PTPRT: variants seen among roughly 807,000 people sequenced by gnomAD.
The protein encoded by PTPRT is receptor-type tyrosine-protein phosphatase T.
A neutral mutation model predicts 176.8 loss-of-function variants in PTPRT; 56 were observed. That is an observed-to-expected ratio of 0.32 (90% CI 0.26 to 0.40). The LOEUF (loss-of-function observed/expected upper bound fraction) is 0.40, where lower values mean the gene tolerates loss of function less well. Ranked by LOEUF, PTPRT falls within the 10% of genes least tolerant of loss-of-function variation. The probability of loss-of-function intolerance (pLI) is 1.00; values close to 1 mark genes in which losing one functional copy is unlikely to be tolerated. For missense variants in PTPRT, 1,540 were observed against 1,908.2 expected (o/e 0.81, Z 3.60); for synonymous variants, 783 against 739.0 (o/e 1.06, Z -0.96).
intron 6 of PTPRT, among the ~76,000 whole-genome samples, chr20:42,712,959 A>T (rs547894887): frequency 6.6e-6 from 1 of 152,324 alleles, no homozygotes; most frequent in South Asian, 2.1e-4. Context: ...AGAAAGGAGG[A>T]AGCTCTTTAT....
At chr20:42,613,806 C>G (rs2074015824) in intron 7 of PTPRT, among the ~76,000 whole-genome samples, 2 of 152,126 alleles carry the variant, frequency 1.3e-5, no homozygotes, top group Non-Finnish European at 2.9e-5. Flanking sequence ...ATCTCCTTTC[C>G]TACCCACCTT....
At chr20:43,083,355 T>TACATATATAC (rs2011513097) in intron 1 of PTPRT, among the ~76,000 whole-genome samples, 2 of 127,322 alleles carry the variant, frequency 1.6e-5, no homozygotes, top group African/African-American at 6.1e-5. Flanking sequence ...TATATATATA[T>TACATATATAC]ATATATATAT....
At chr20:42,694,253 T>C (rs1422473649) in intron 6 of PTPRT, among the ~76,000 whole-genome samples, 2 of 152,058 alleles carry the variant, frequency 1.3e-5, no homozygotes, top group Non-Finnish European at 1.5e-5. Context: ...TTAGCCAGGA[T>C]GGTCTCGATC....
rs1417594699 is a variant in PTPRT, at chr20:43,003,959, T to G, written c.89-118027A>C. 1.8e-4 allele frequency among the ~76,000 whole-genome samples: 28 copies of G among 152,184 alleles called. 1 individual carries two copies. Among genetic ancestry groups the G allele is most frequent in the Admixed American group, 1.8e-3 (28 of 15,276 alleles). On this transcript the variant is annotated intron_variant, in intron 1 of 30. Coordinates refer to ENST00000373187, the MANE Select transcript of PTPRT (RefSeq NM_007050.6). ...AGATACCATTCAACAAAGAAGTGGA[T>G]TTCATTTCAGGAATGTGACAATAGT...
chr20:42,553,784 T>C (rs955063809), intron 7 of PTPRT, among the ~76,000 whole-genome samples: 4 of 152,132 alleles, frequency 2.6e-5, no homozygotes, highest in Non-Finnish European at 5.9e-5. Flanking sequence ...GGTTGAGACC[T>C]GAAGCAGGAG....
chr20:42,217,203 G>A (rs974670589), intron 15 of PTPRT, among the ~76,000 whole-genome samples: 13 of 151,946 alleles, frequency 8.6e-5, no homozygotes, highest in Middle Eastern at 3.4e-3. Flanking sequence ...GCGAAATCCC[G>A]TCTCTACTAA....
At position 42,677,860 on chromosome 20, in the gene PTPRT, T is replaced by A. The variant is rs2075534288; in HGVS notation, c.1153+6A>T. 6.6e-7 allele frequency: 1 copy of A among 1,506,948 alleles called. No homozygotes were observed. The highest frequency in any genetic ancestry group is 8.9e-7 in the Non-Finnish European group (1 of 1,125,156). 93.3% of individuals were successfully genotyped at this position (1,506,948 alleles called of 1,614,324 possible). ...TAATGGAGCCTGGGAAAAAAAAAAA[T>A]CTTACCTGCACACTTGGTCCTGGTG... On this transcript the variant is annotated splice_donor_region_variant and intron_variant, in intron 7 of 30. Transcript: ENST00000373187.
At chr20:43,076,178 G>A (rs775880828) in intron 1 of PTPRT, among the ~76,000 whole-genome samples, 3 of 152,122 alleles carry the variant, frequency 2.0e-5, no homozygotes, top group Non-Finnish European at 2.9e-5. Flanking sequence ...GGCAGATAGT[G>A]CCTTTTCCTT....
chr20:42,828,036 C>A (rs2078025393), intron 2 of PTPRT, among the ~76,000 whole-genome samples: 2 of 152,144 alleles, frequency 1.3e-5, no homozygotes. Context: ...TACTTTGGAA[C>A]TGGGTAACAG....
chr20:43,066,924 A>G (rs541052400), intron 1 of PTPRT, among the ~76,000 whole-genome samples: 1 of 152,340 alleles, frequency 6.6e-6, no homozygotes, highest in East Asian at 1.9e-4. Flanking sequence ...TTGATTAATT[A>G]TGACAGAGAC....
At chr20:42,779,381 A>T (rs929067439) in intron 4 of PTPRT, among the ~76,000 whole-genome samples, 3 of 152,146 alleles carry the variant, frequency 2.0e-5, no homozygotes, top group African/African-American at 7.2e-5. Context: ...CTAGAACTGG[A>T]TGGCTGCCAA....
chr20:42,251,877 A>G (rs1170176729), intron 13 of PTPRT, among the ~76,000 whole-genome samples: 1 of 152,196 alleles, frequency 6.6e-6, no homozygotes, highest in East Asian at 1.9e-4. Context: ...AAGACAGGGC[A>G]CCATTTAAGT....
At chr20:42,385,500 T>A (rs2058736409) in intron 9 of PTPRT, among the ~76,000 whole-genome samples, 1 of 152,236 alleles carries the variant, frequency 6.6e-6, no homozygotes, top group South Asian at 2.1e-4. Context: ...GTTTCAGTTA[T>A]ATGAGGTAAA....
chr20:42,453,937 G>C (rs1171351811), intron 8 of PTPRT, among the ~76,000 whole-genome samples: 1 of 151,750 alleles, frequency 6.6e-6, no homozygotes, highest in East Asian at 1.9e-4. Context: ...GACCTCAGGT[G>C]ATACACCTGT....
chr20:42,924,442 C>T (rs1403953391), intron 1 of PTPRT, among the ~76,000 whole-genome samples: 1 of 152,132 alleles, frequency 6.6e-6, no homozygotes, highest in Non-Finnish European at 1.5e-5. Flanking sequence ...TTGTGAACCT[C>T]GGGAAGAAAA....
chr20:42,982,221 A>G (rs1983324252), intron 1 of PTPRT, among the ~76,000 whole-genome samples: 1 of 152,054 alleles, frequency 6.6e-6, no homozygotes, highest in African/African-American at 2.4e-5. Context: ...AAATTTTCAA[A>G]CGTACTCAGC....
Position 42,221,062 on chromosome 20 carries a change from G to A in PTPRT, c.2342+15167C>T, listed in dbSNP as rs570797353. On this transcript the variant is annotated intron_variant, in intron 15 of 30. Transcript: ENST00000373187. ...TCTCCCAGGCTATGAGTACAGTGGT[G>A]CGATCTTGGCTCACTGCAACCTCCG... Among the ~76,000 whole-genome samples the A allele has an allele frequency of 1.2e-3, 176 of 152,258 alleles. 1 individual carries two copies. Among genetic ancestry groups the A allele is most frequent in the African/African-American group, 4.1e-3 (169 of 41,544 alleles).
intron 9 of PTPRT, among the ~76,000 whole-genome samples, chr20:42,415,291 C>T (rs1247996544): frequency 6.6e-6 from 1 of 152,192 alleles, no homozygotes; most frequent in African/African-American, 2.4e-5. Context: ...AAGTGATCCT[C>T]TTGCCTCAGC....
intron 9 of PTPRT, among the ~76,000 whole-genome samples, chr20:42,367,287 T>C (rs1372404967): frequency 1.3e-5 from 2 of 152,246 alleles, no homozygotes; most frequent in Non-Finnish European, 2.9e-5. Context: ...TGAAAATTCC[T>C]AGCACTTGGG....
Sources: gnomAD v4.1 joint callset for allele counts (sites outside exome capture counted in the v4.1 genomes callset) on GRCh38, gnomAD v4.1.1 for gene constraint, MANE v1.5 for transcripts, NCBI Gene and HGNC (gene_info 2026-07-23, HGNC 2026-07-21) for gene names.